Variants in DLC1 observed in about 807,000 individuals in gnomAD.
DLC1 encodes the protein rho GTPase-activating protein 7.
In DLC1, 54 loss-of-function variants were observed where a neutral mutation model predicts 140.3. The ratio of observed to expected loss-of-function variants is 0.38; its 90% confidence interval spans 0.31 to 0.48. The LOEUF is 0.48. Ranked by LOEUF, DLC1 falls within the 20% of genes least tolerant of loss-of-function variation. The probability of loss-of-function intolerance (pLI) is 0.96; values close to 1 mark genes in which losing one functional copy is unlikely to be tolerated. For missense variants in DLC1, 2,536 were observed against 1,907.0 expected, an observed-to-expected ratio of 1.33 and a Z score of -6.14; for synonymous variants, 986 against 728.1, an observed-to-expected ratio of 1.35 and a Z score of -5.70.
intron 5 of DLC1, among the ~76,000 whole-genome samples, chr8:13,235,606 T>A (rs1288193609): frequency 6.6e-6 from 1 of 152,022 alleles, no homozygotes; most frequent in Non-Finnish European, 1.5e-5. Context: ...GAACTGAAAT[T>A]TAATAATAAT....
upstream of DLC1, among the ~76,000 whole-genome samples, chr8:13,516,161 T>C (rs541941931): frequency 6.6e-6 from 1 of 151,094 alleles, no homozygotes; most frequent in African/African-American, 2.5e-5. Context: ...GACTCAAGCA[T>C]TTTTTTGGGG....
chr8:13,216,087 T>C (rs2117128056), intron 5 of DLC1, among the ~76,000 whole-genome samples: 1 of 152,328 alleles, frequency 6.6e-6, no homozygotes, highest in East Asian at 1.9e-4. Flanking sequence ...TGTCCTCTTA[T>C]TGCTGTCCTG....
chr8:13,219,063 C>CAATTATAT (rs1430638275), intron 5 of DLC1, among the ~76,000 whole-genome samples: 11 of 38,274 alleles, frequency 2.9e-4, no homozygotes, highest in Non-Finnish European at 4.4e-4. Flanking sequence ...AATATAATTA[C>CAATTATAT]GTGAATATAA....
intron 1 of DLC1, among the ~76,000 whole-genome samples, chr8:13,521,422 GTTCCCTTGCC>G (rs1802763144): frequency 6.6e-6 from 1 of 150,406 alleles, no homozygotes; most frequent in Admixed American, 6.6e-5. Flanking sequence ...AAAAAAAAAA[GTTCCCTTGCC>G]ATGGTTGGCT....
At chr8:13,249,033 C>T (rs538149326) in intron 5 of DLC1, among the ~76,000 whole-genome samples, 1 of 152,170 alleles carries the variant, frequency 6.6e-6, no homozygotes, top group Non-Finnish European at 1.5e-5. Flanking sequence ...TTCCATTCCT[C>T]AGTGATGCCT....
intron 1 of DLC1, among the ~76,000 whole-genome samples, chr8:13,553,490 C>T (rs1178113147): frequency 1.3e-5 from 2 of 151,406 alleles, no homozygotes; most frequent in Non-Finnish European, 2.9e-5. Flanking sequence ...GCTATTTTTC[C>T]ATTTTCTTCC....
intron 4 of DLC1, among the ~76,000 whole-genome samples, chr8:13,326,966 G>GT (rs1833376035): frequency 6.6e-6 from 1 of 151,810 alleles, no homozygotes; most frequent in South Asian, 2.1e-4. Context: ...GTTTTGTTTT[G>GT]TTTTTTGAGA....
At chr8:13,092,946 G>C (rs1219515122) in intron 12 of DLC1, 121 bp from the exon 13 acceptor site, 2 of 1,059,922 alleles carry the variant, frequency 1.9e-6, no homozygotes, top group Non-Finnish European at 2.7e-6. Flanking sequence ...AGCACTTGTA[G>C]AAAGTGCACT....
intron 1 of DLC1, among the ~76,000 whole-genome samples, chr8:13,571,399 G>C (rs1027092563): frequency 6.6e-6 from 1 of 152,100 alleles, no homozygotes. Flanking sequence ...TGGTCACCTC[G>C]AATGTACTTT....
At chr8:13,094,496 T>A (rs1222158230) in intron 12 of DLC1, among the ~76,000 whole-genome samples, 2 of 152,068 alleles carry the variant, frequency 1.3e-5, no homozygotes, top group Non-Finnish European at 2.9e-5. Flanking sequence ...TGAAACCCTA[T>A]CTCTGCTACA....
intron 2 of DLC1, among the ~76,000 whole-genome samples, chr8:13,472,939 T>C (rs929136484): frequency 1.3e-5 from 2 of 152,164 alleles, no homozygotes; most frequent in Non-Finnish European, 2.9e-5. Context: ...AAATATTTAC[T>C]GAGTACCTGA....
At chr8:13,553,706 T>A (rs1189349608) in intron 1 of DLC1, among the ~76,000 whole-genome samples, 2 of 152,036 alleles carry the variant, frequency 1.3e-5, no homozygotes, top group African/African-American at 4.8e-5. Flanking sequence ...GTTCTCTACA[T>A]TTATTGTCTT....
chr8:13,086,256 C>T (rs373349139), intron 17 of DLC1, 34 bp downstream of exon 17: 12 of 1,600,144 alleles, frequency 7.5e-6, no homozygotes, highest in East Asian at 2.2e-5. Context: ...CTTCATGACC[C>T]TCACCATATA....
At chr8:13,528,703 TTAA>T (rs2117301231) in intron 1 of DLC1, among the ~76,000 whole-genome samples, 1 of 152,314 alleles carries the variant, frequency 6.6e-6, no homozygotes, top group South Asian at 2.1e-4. Flanking sequence ...TGCAAGTTTT[TTAA>T]TGAGTTAAAA....
chr8:13,141,882 G>A (rs1351310526), intron 5 of DLC1, among the ~76,000 whole-genome samples: 5 of 152,158 alleles, frequency 3.3e-5, no homozygotes, highest in African/African-American at 9.7e-5. Context: ...TTAAAAAATA[G>A]ACCTAGCAAC....
chr8:13,178,434 C>T (rs1429377911), intron 5 of DLC1, among the ~76,000 whole-genome samples: 5 of 151,876 alleles, frequency 3.3e-5, no homozygotes, highest in African/African-American at 1.2e-4. Context: ...TGGTGGCGGG[C>T]GCCTGTAGTT....
chr8:13,321,276 A>G (rs1833097593), intron 4 of DLC1, among the ~76,000 whole-genome samples: 1 of 152,168 alleles, frequency 6.6e-6, no homozygotes, highest in African/African-American at 2.4e-5. Context: ...GCAATGGCTC[A>G]TGCCTGTAAT....
intron 5 of DLC1, among the ~76,000 whole-genome samples, chr8:13,207,281 T>C (rs1257523331): frequency 1.3e-5 from 2 of 152,202 alleles, no homozygotes; most frequent in African/African-American, 2.4e-5. Flanking sequence ...TCAAGGCATA[T>C]ATATTTACTA....
At chr8:13,275,192 GT>G (rs1221209560) in intron 5 of DLC1, among the ~76,000 whole-genome samples, 1 of 152,200 alleles carries the variant, frequency 6.6e-6, no homozygotes, top group Admixed American at 6.5e-5. Context: ...ACAAATTAGA[GT>G]TTATGAGGGC....
Sources: gnomAD v4.1 joint callset for allele counts (sites outside exome capture counted in the v4.1 genomes callset) on GRCh38, gnomAD v4.1.1 for gene constraint, MANE v1.5 for transcripts, NCBI Gene and HGNC (gene_info 2026-07-23, HGNC 2026-07-21) for gene names.